Variants in SH3PXD2A observed in about 807,000 individuals in gnomAD.
The protein encoded by SH3PXD2A is SH3 and PX domains 2A, also known as SH3 and PX domain-containing protein 2A.
In SH3PXD2A, 32 loss-of-function variants were observed where a neutral mutation model predicts 115.2. The ratio of observed to expected loss-of-function variants is 0.28; its 90% CI spans 0.21 to 0.37. SH3PXD2A has a LOEUF of 0.37. SH3PXD2A is among the 10% of genes least tolerant of loss of function. The pLI is 1.00. For synonymous variants in SH3PXD2A, 610 were observed against 629.1 expected (o/e 0.97, Z 0.45); for missense variants, 1,328 against 1,498.7 (o/e 0.89, Z 1.88).
intron 2 of SH3PXD2A, 47 bp from the exon 3 acceptor site, chr10:103,767,216 A>C (rs1457457539): frequency 1.4e-6 from 2 of 1,419,460 alleles, no homozygotes; most frequent in African/African-American, 2.8e-5. Flanking sequence ...AGACCAGAAC[A>C]TTCCTCATCA....
At chr10:103,685,585 G>A (rs1469051442) in intron 6 of SH3PXD2A, among the ~76,000 whole-genome samples, 1 of 152,144 alleles carries the variant, frequency 6.6e-6, no homozygotes, top group Non-Finnish European at 1.5e-5. Context: ...CCCCTCCGGT[G>A]CTGCCTCCTA....
intron 8 of SH3PXD2A, among the ~76,000 whole-genome samples, chr10:103,649,331 T>C (rs1230732781): frequency 2.0e-5 from 3 of 152,342 alleles, no homozygotes; most frequent in African/African-American, 7.2e-5. Context: ...TGAAGTGGCT[T>C]GCCTGAGGTC....
At position 103,724,297 on chromosome 10, in the gene SH3PXD2A, C is replaced by G; in HGVS notation, c.371G>C (p.Arg124Pro). The change falls in exon 5 of 15, where the codon CGA becomes CCA. Residue 124 changes from arginine to proline, a missense_variant. Transcript: ENST00000369774. ...CDEVFRFFEA[R>P]PEDVNPPKED... ...TTTTGGAGGGTTGACATCCTCGGGTCGAGCCTCGAAGAACCGGAAGACTTC... is the reference window on the plus strand; with the variant it reads ...TTTTGGAGGGTTGACATCCTCGGGTGGAGCCTCGAAGAACCGGAAGACTTC... 6.3e-7 allele frequency: 1 copy of G among 1,579,072 alleles called. No individual in the cohort carries two copies. The highest frequency in any genetic ancestry group is 8.6e-7 in the Non-Finnish European group (1 of 1,165,278).
intron 5 of SH3PXD2A, among the ~76,000 whole-genome samples, chr10:103,696,109 G>A (rs2037821401): frequency 6.6e-6 from 1 of 152,204 alleles, no homozygotes; most frequent in African/African-American, 2.4e-5. Flanking sequence ...ATCAGCACAT[G>A]GGGTTAATGG....
intron 5 of SH3PXD2A, among the ~76,000 whole-genome samples, chr10:103,697,272 G>T (rs1190396965): frequency 1.3e-5 from 2 of 152,156 alleles, no homozygotes; most frequent in Non-Finnish European, 2.9e-5. Flanking sequence ...TGTAGAAAGG[G>T]CTTCGCACAG....
At chr10:103,713,215 C>A (rs1453430380) in intron 5 of SH3PXD2A, among the ~76,000 whole-genome samples, 2 of 152,318 alleles carry the variant, frequency 1.3e-5, no homozygotes, top group East Asian at 3.9e-4. Context: ...GGGAAGGAGT[C>A]ACAAGGTCTC....
rs190715319 is a variant in SH3PXD2A, at chr10:103,800,122, G to A, written c.153+1160C>T. On this transcript the variant is annotated intron_variant, in intron 2 of 14. Coordinates refer to ENST00000369774, the MANE Select transcript of SH3PXD2A (RefSeq NM_001394015.1). ...GTGAGTGTCTCTTTGTGTTTTTATTGGCCTAAACCAGGCTCACAACCCCGA... is the reference window on the plus strand; with the variant it reads ...GTGAGTGTCTCTTTGTGTTTTTATTAGCCTAAACCAGGCTCACAACCCCGA... Among the ~76,000 whole-genome samples the A allele has an allele frequency of 5.0e-3, 767 of 152,062 alleles. 18 individuals are homozygous for A. The highest frequency in any genetic ancestry group is 0.047 in the Admixed American group (718 of 15,276).
chr10:103,827,206 G>A (rs887769480), intron 1 of SH3PXD2A, among the ~76,000 whole-genome samples: 3 of 152,114 alleles, frequency 2.0e-5, no homozygotes, highest in Admixed American at 1.3e-4. Context: ...ACACCAAGGC[G>A]ATGTATTTGG....
intron 13 of SH3PXD2A, 52 bp downstream of exon 13, chr10:103,611,529 A>C: frequency 8.3e-5 from 118 of 1,414,520 alleles, no homozygotes; most frequent in Non-Finnish European, 1.1e-4. Flanking sequence ...GGGTGGCTAT[A>C]GCGCATTCAC....
chr10:103,803,035 C>G (rs1295929316), intron 1 of SH3PXD2A, among the ~76,000 whole-genome samples: 1 of 152,186 alleles, frequency 6.6e-6, no homozygotes, highest in Non-Finnish European at 1.5e-5. Flanking sequence ...ACAGGGTTTG[C>G]CACAGGCGTG....
chr10:103,655,622 G>T (rs2037198884), intron 8 of SH3PXD2A, among the ~76,000 whole-genome samples: 1 of 151,766 alleles, frequency 6.6e-6, no homozygotes, highest in African/African-American at 2.4e-5. Context: ...AAAACACAAA[G>T]ATCAGGCAGG....
intron 10 of SH3PXD2A, among the ~76,000 whole-genome samples, chr10:103,621,825 C>T (rs918915155): frequency 6.6e-6 from 1 of 152,222 alleles, no homozygotes; most frequent in African/African-American, 2.4e-5. Flanking sequence ...CTGGGGGGCT[C>T]CCTGGACTCC....
intron 7 of SH3PXD2A, among the ~76,000 whole-genome samples, 155 bp from the exon 8 acceptor site, chr10:103,661,269 G>A (rs1218675369): frequency 6.6e-6 from 1 of 152,248 alleles, no homozygotes; most frequent in Non-Finnish European, 1.5e-5. Context: ...CTCACAGGGC[G>A]CCAAGGACAG....
chr10:103,603,653 A>C lies in SH3PXD2A; in HGVS notation c.1565T>G (p.Val522Gly). The change falls in exon 15 of 15, where the codon GTG (valine) becomes GGG (glycine). Residue 522 changes from valine (V) to glycine (G), a missense_variant. Physicochemically the swap from Val to Gly is moderately radical, Grantham distance 109. Around this residue, in one of 5 missense-constraint regions of SH3PXD2A, gnomAD observed 509 missense variants for 628.3 expected, o/e 0.81. Coordinates refer to ENST00000369774, the MANE Select transcript of SH3PXD2A (RefSeq NM_001394015.1). ...CTTGCTGGGGGGTGCTGGCGGGGGCACCTTGGGCCGGGTCAGCGTGCTTGT... is the reference window on the plus strand; with the variant it reads ...CTTGCTGGGGGGTGCTGGCGGGGGCCCCTTGGGCCGGGTCAGCGTGCTTGT... ...RRTSTLTRPKVPPPAPPSKPK... is the reference protein window; with the variant it reads ...RRTSTLTRPKGPPPAPPSKPK... 1 of 1,604,268 alleles carries C rather than the reference A, an allele frequency of 6.2e-7. No individual in the cohort carries two copies. Among genetic ancestry groups the C allele is most frequent in the Non-Finnish European group, 8.5e-7 (1 of 1,175,446 alleles).
At chr10:103,679,444 C>A (rs537074153) in intron 6 of SH3PXD2A, among the ~76,000 whole-genome samples, 4 of 152,222 alleles carry the variant, frequency 2.6e-5, no homozygotes, top group Non-Finnish European at 5.9e-5. Context: ...TATCCACTAG[C>A]CTTCAAGGGT....
chr10:103,783,088 G>A (rs1478992767), intron 2 of SH3PXD2A, among the ~76,000 whole-genome samples: 1 of 152,176 alleles, frequency 6.6e-6, no homozygotes, highest in Non-Finnish European at 1.5e-5. Context: ...GGTGCCCAAG[G>A]AGCAGGTGAA....
intron 1 of SH3PXD2A, among the ~76,000 whole-genome samples, chr10:103,846,665 C>T (rs534080902): frequency 3.7e-4 from 57 of 152,336 alleles, no homozygotes; most frequent in African/African-American, 1.4e-3. Flanking sequence ...TGAAAAGAAA[C>T]AGTTGCACCA....
At chr10:103,849,686 C>T (rs560363150) in intron 1 of SH3PXD2A, among the ~76,000 whole-genome samples, 9 of 152,344 alleles carry the variant, frequency 5.9e-5, no homozygotes, top group African/African-American at 2.2e-4. Context: ...TCTGGGAATC[C>T]GCCTCTGGAA....
At chr10:103,631,835 G>C (rs190404115) in intron 8 of SH3PXD2A, among the ~76,000 whole-genome samples, 1 of 152,102 alleles carries the variant, frequency 6.6e-6, no homozygotes, top group African/African-American at 2.4e-5. Flanking sequence ...TGTCAGTAGC[G>C]GTCAGGTGGG....
Sources: gnomAD v4.1 joint callset for allele counts (sites outside exome capture counted in the v4.1 genomes callset) on GRCh38, gnomAD v4.1.1 for gene constraint, gnomAD v4.1.1 regional missense constraint, MANE v1.5 for transcripts, NCBI Gene and HGNC (gene_info 2026-07-23, HGNC 2026-07-21) for gene names.